NLRC5: variants seen among roughly 807,000 people sequenced by gnomAD.
NLRC5 encodes the protein protein NLRC5.
NLRC5 carries 114 observed loss-of-function variants against 206.9 expected under a neutral mutation model. That is an observed-to-expected ratio of 0.55 (90% confidence interval 0.47 to 0.64). The LOEUF is 0.64. Among genes scored for constraint, NLRC5 ranks in the 30% least tolerant of loss-of-function variants. The pLI, the probability that NLRC5 is intolerant of heterozygous loss-of-function variation, is 0.00. For synonymous variants in NLRC5, 952 were observed against 962.8 expected (o/e 0.99, Z 0.21); for missense variants, 2,008 against 2,305.5 (o/e 0.87, Z 2.64).
intron 1 of NLRC5, among the ~76,000 whole-genome samples, chr16:57,009,258 T>C (rs1278897421): frequency 6.6e-6 from 1 of 151,432 alleles, no homozygotes; most frequent in East Asian, 1.9e-4. Context: ...GCCATTGCTC[T>C]CCAGCCTGGG....
In NLRC5 at chr16:57,040,938, G is replaced by GC. The variant is rs528907620; in HGVS notation, c.2939+223dup. 5.3e-5 allele frequency among the ~76,000 whole-genome samples: 8 copies of GC among 150,654 alleles called. No homozygotes were observed. In the South Asian group the frequency reaches 1.7e-3, roughly 33 times the overall value. On this transcript the variant is annotated intron_variant, in intron 17 of 48. Coordinates refer to ENST00000688547, the MANE Select transcript of NLRC5 (RefSeq NM_001384950.1). Reference sequence around the variant, plus strand: ...GCAGCCCCGTCAACCACCTTCCCAAGCCCAGGAGACCCCACTCCCCTTAGC... The same window carrying GC: ...GCAGCCCCGTCAACCACCTTCCCAAGCCCCAGGAGACCCCACTCCCCTTAGC...
rs2061277814 is a variant in NLRC5, at chr16:57,026,408, G to A, written c.1465G>A (p.Ala489Thr). The change falls in exon 6 of 49, where the codon GCC becomes ACC. Residue 489 changes from alanine (A) to threonine (T), a missense_variant. Ala to Thr is a moderately conservative substitution (Grantham distance 58). Coordinates refer to ENST00000688547, the MANE Select transcript of NLRC5 (RefSeq NM_001384950.1). ...DIAPPLIAFGATHSLLTSFCV... is the reference protein window; with the variant it reads ...DIAPPLIAFGTTHSLLTSFCV... ...TGCTCCACCCTTGATAGCTTTTGGG[G>A]CCACTCACAGCCTGCTGACTTCCTT... The A allele has an allele frequency of 3.7e-6, 6 of 1,613,998 alleles. No homozygotes were observed. The highest frequency in any genetic ancestry group is 5.1e-6 in the Non-Finnish European group (6 of 1,180,042).
At chr16:57,030,562 G>A (rs2061749513) in intron 10 of NLRC5, among the ~76,000 whole-genome samples, 1 of 151,588 alleles carries the variant, frequency 6.6e-6, no homozygotes, top group Non-Finnish European at 1.5e-5. Context: ...ATGGATAGAT[G>A]AATGGATGGA....
intron 1 of NLRC5, among the ~76,000 whole-genome samples, chr16:57,009,454 A>G (rs923990822): frequency 3.4e-5 from 5 of 149,186 alleles, no homozygotes; most frequent in African/African-American, 9.9e-5. Flanking sequence ...TGAGCTGGGC[A>G]TGGTGGCGTG....
At position 57,067,575 on chromosome 16, in the gene NLRC5, G is replaced by GA. The variant is rs565042683; in HGVS notation, c.4406+109dup. 1.5e-4 allele frequency: 204 copies of GA among 1,401,468 alleles called. 3 individuals are homozygous for GA. In the South Asian group the frequency reaches 2.3e-3, roughly 16 times the overall value. The allele number at this position is 1,401,468 out of a possible 1,614,324, so 86.8% of individuals were successfully genotyped here. Reference sequence around the variant, plus strand: ...GGCATTCTCACTTCCTTGTGCAGGAGAAAATCACACTTGGCCAGTGGAGGG... The same window carrying GA: ...GGCATTCTCACTTCCTTGTGCAGGAGAAAAATCACACTTGGCCAGTGGAGGG... On this transcript the variant is annotated intron_variant, in intron 35 of 48. Coordinates refer to ENST00000688547, the MANE Select transcript of NLRC5 (RefSeq NM_001384950.1).
In NLRC5 at chr16:57,033,794, G is replaced by A. The variant is rs112065960; in HGVS notation, c.2543+125G>A. 28 of 903,658 alleles carry A rather than the reference G, an allele frequency of 3.1e-5. No homozygotes were observed. The highest frequency in any genetic ancestry group is 9.8e-5 in the African/African-American group (6 of 60,956). 56.0% of individuals were successfully genotyped at this position (903,658 alleles called of 1,614,324 possible). The stretch of plus-strand genomic sequence containing the variant: ...ATGAGGGACAGGGAAAGGATTAGCC[G>A]GGTGTGGTGCCCATCCTGGATAGCC... On this transcript the variant is annotated intron_variant, in intron 12 of 48. Coordinates refer to ENST00000688547, the MANE Select transcript of NLRC5 (RefSeq NM_001384950.1).
chr16:57,030,438 A>AGATGGATGGATGGATGGATGGATGGATG (rs71152231), intron 10 of NLRC5, among the ~76,000 whole-genome samples: 11 of 89,642 alleles, frequency 1.2e-4, no homozygotes, highest in East Asian at 3.1e-4. Flanking sequence ...GTGGATGAAA[A>AGATGGATGGATGGATGGATGGATGGATG]GATGGATGGA....
chr16:57,021,076 C>A (rs1338737561), intron 3 of NLRC5, 69 bp downstream of exon 3: 6 of 1,435,678 alleles, frequency 4.2e-6, no homozygotes, highest in Non-Finnish European at 5.8e-6. Flanking sequence ...CGGGAGGAGC[C>A]CAGGGACCCA....
intron 21 of NLRC5, 90 bp from the exon 22 acceptor site, chr16:57,046,462 T>A (rs2063986307): frequency 5.6e-6 from 6 of 1,075,550 alleles, no homozygotes; most frequent in Non-Finnish European, 8.3e-6. Flanking sequence ...CTTTCCTTTC[T>A]AAACGATCCC....
intron 38 of NLRC5, among the ~76,000 whole-genome samples, chr16:57,072,077 T>C (rs2067863519): frequency 6.6e-6 from 1 of 152,110 alleles, no homozygotes; most frequent in Non-Finnish European, 1.5e-5. Flanking sequence ...GCTTATGTCA[T>C]GGAAAATTAC....
At chr16:57,053,054 A>G (rs1404560718) in intron 24 of NLRC5, 1 of 152,236 alleles carries the variant, frequency 6.6e-6, no homozygotes, top group Non-Finnish European at 1.5e-5. Context: ...GAAAAAGTTG[A>G]CCATGTCCTT....
At chr16:57,025,301 G>A in intron 5 of NLRC5, 67 bp from the exon 6 acceptor site, 3 of 1,497,386 alleles carry the variant, frequency 2.0e-6, no homozygotes, top group Non-Finnish European at 2.7e-6. Flanking sequence ...GCCCAATACT[G>A]GGGCAAGAAG....
intron 38 of NLRC5, chr16:57,074,387 T>C (rs1465478203): frequency 3.8e-6 from 2 of 529,710 alleles, no homozygotes; most frequent in Non-Finnish European, 6.9e-6. Flanking sequence ...GTTCAGAACA[T>C]AGAACTGCTG....
At chr16:57,057,990 G>A in intron 27 of NLRC5, 75 bp from the exon 28 acceptor site, 1 of 1,206,920 alleles carries the variant, frequency 8.3e-7, no homozygotes, top group Non-Finnish European at 1.2e-6. Flanking sequence ...GTGGATGCAG[G>A]CTCCTGGTGA....
chr16:57,019,257 C>T (rs1055844842), intron 2 of NLRC5, among the ~76,000 whole-genome samples: 16 of 152,142 alleles, frequency 1.1e-4, no homozygotes, highest in Non-Finnish European at 2.1e-4. Context: ...ATTAGCTGGG[C>T]ATTGTGGTGT....
chr16:57,028,270 G>A (rs758690435), intron 7 of NLRC5, 32 bp from the exon 8 acceptor site: 49 of 1,605,406 alleles, frequency 3.1e-5, no homozygotes, highest in African/African-American at 6.7e-5. Context: ...TCCCCTCCTC[G>A]TTCCTCCCCA....
chr16:57,013,787 T>C, intron 1 of NLRC5: 1 of 705,780 alleles, frequency 1.4e-6, no homozygotes, highest in Non-Finnish European at 2.6e-6. Context: ...TTTCATTAAG[T>C]CACCCAGAAG....
rs1057055943 is a variant in NLRC5 at position 57,077,862 on chromosome 16, C to T, written c.5003+60C>T. The T allele has an allele frequency of 3.1e-6, 5 of 1,594,792 alleles. No homozygotes were observed. In the Admixed American group the frequency reaches 6.8e-5, roughly 22 times the overall value. ...GCCCCCCAGGTCCACCTGGCCTCCTCTCCCGCAGTGGGCACAGGGCAGGGC... is the reference window on the plus strand; with the variant it reads ...GCCCCCCAGGTCCACCTGGCCTCCTTTCCCGCAGTGGGCACAGGGCAGGGC... On this transcript the variant is annotated intron_variant, in intron 42 of 48. Transcript: ENST00000688547.
rs573836655 is a variant in NLRC5 at position 57,043,574 on chromosome 16, C to T, written c.3173C>T (p.Thr1058Ile). Residue 1058 changes from threonine (T) to isoleucine (I), a missense_variant, in exon 20 of 49, where the codon ACT (threonine) becomes ATT (isoleucine). Thr to Ile is a moderately conservative substitution (Grantham distance 89). Transcript: ENST00000688547. ...AVLGLVRCFS[T>I]LQWLFRLDIS... is the part of the protein sequence containing the mutation. Reference sequence around the variant, plus strand: ...TTGGGTTTGGTTCGGTGCTTCTCCACTCTGCAGTGGCTCTTCCGCTTGGAC... The same window carrying T: ...TTGGGTTTGGTTCGGTGCTTCTCCATTCTGCAGTGGCTCTTCCGCTTGGAC... 9 of 1,614,154 alleles carry T rather than the reference C, an allele frequency of 5.6e-6. 1 individual carries two copies. The South Asian group carries it at 8.8e-5, about 16-fold the overall frequency.
Sources: gnomAD v4.1 joint callset for allele counts (sites outside exome capture counted in the v4.1 genomes callset) on GRCh38, gnomAD v4.1.1 for gene constraint, MANE v1.5 for transcripts, NCBI Gene and HGNC (gene_info 2026-07-23, HGNC 2026-07-21) for gene names.